ANKRD33B: variants seen among roughly 807,000 people sequenced by gnomAD.
The protein encoded by ANKRD33B is ankyrin repeat domain-containing protein 33B.
A neutral mutation model predicts 21.5 loss-of-function variants in ANKRD33B; 6 were observed. That is an observed-to-expected ratio of 0.28 (90% CI 0.15 to 0.55). The LOEUF is 0.55. ANKRD33B is among the 20% of genes least tolerant of loss of function. The pLI, the probability that ANKRD33B is intolerant of heterozygous loss-of-function variation, is 0.94. For missense variants in ANKRD33B, 698 were observed against 747.2 expected (o/e 0.93, Z 0.77); for synonymous variants, 347 against 342.4 (o/e 1.01, Z -0.15).
At chr5:10,641,467 G>T (rs893781621) in intron 3 of ANKRD33B, among the ~76,000 whole-genome samples, 2 of 151,882 alleles carry the variant, frequency 1.3e-5, no homozygotes, top group Non-Finnish European at 2.9e-5. Context: ...GACATCCCGT[G>T]ATCTGCCCGC....
At chr5:10,608,717 G>C (rs1736104444) in intron 1 of ANKRD33B, among the ~76,000 whole-genome samples, 1 of 152,054 alleles carries the variant, frequency 6.6e-6, no homozygotes, top group African/African-American at 2.4e-5. Context: ...TATCTTTAGG[G>C]TTTTTGAATG....
At chr5:10,585,326 C>T (rs1186750594) in intron 1 of ANKRD33B, among the ~76,000 whole-genome samples, 2 of 152,162 alleles carry the variant, frequency 1.3e-5, no homozygotes, top group African/African-American at 4.8e-5. Flanking sequence ...AAGTGTTTTC[C>T]TGGATGCCTA....
At chr5:10,633,119 T>C (rs1348669599) in intron 2 of ANKRD33B, among the ~76,000 whole-genome samples, 29 of 111,256 alleles carry the variant, frequency 2.6e-4, no homozygotes, top group Non-Finnish European at 4.9e-4. Context: ...TTTTTTCTTT[T>C]TGAGATGGGG....
chr5:10,611,631 C>T (rs1350821208), intron 1 of ANKRD33B, among the ~76,000 whole-genome samples: 1 of 152,204 alleles, frequency 6.6e-6, no homozygotes, highest in African/African-American at 2.4e-5. Context: ...AAGTCCTCTC[C>T]CCTTGCCACT....
chr5:10,564,677 G>A lies in ANKRD33B; in HGVS notation c.210G>A (p.Glu70=). The change falls in exon 1 of 4, where the codon GAG becomes GAA. Residue 70 remains glutamate, a synonymous_variant. Transcript: ENST00000296657. ...AGGACGAGGAGGAGCACGGCGTCGA[G>A]AGCGCGGAGAGCGTCCCGGAGGGCG... is the stretch of plus-strand genomic sequence containing the variant. ...PFEDEEEHGV[E]SAESVPEGVP... 1 of 1,534,616 alleles carries A rather than the reference G, an allele frequency of 6.5e-7. No homozygotes were observed. The highest frequency in any genetic ancestry group is 8.7e-7 in the Non-Finnish European group (1 of 1,146,388).
chr5:10,580,183 C>G (rs1454995090), intron 1 of ANKRD33B, among the ~76,000 whole-genome samples: 2 of 152,234 alleles, frequency 1.3e-5, no homozygotes, highest in African/African-American at 2.4e-5. Flanking sequence ...TGGGTTCTAC[C>G]TGCAAGGGTC....
intron 1 of ANKRD33B, among the ~76,000 whole-genome samples, chr5:10,572,644 GC>G (rs1233068027): frequency 2.0e-5 from 3 of 152,230 alleles, no homozygotes; most frequent in Admixed American, 1.3e-4. Flanking sequence ...GTGTCAGGCA[GC>G]CCCGTCTGGG....
rs1737414078 is a variant in ANKRD33B at position 10,653,734 on chromosome 5, A to G, written c.*3621A>G. 1 of 152,344 alleles carries G rather than the reference A, an allele frequency of 6.6e-6. No homozygotes were observed. The highest frequency in any genetic ancestry group is 2.4e-5 in the African/African-American group (1 of 41,412). The allele number at this position is 152,344 out of a possible 1,614,324, so 9.4% of individuals were successfully genotyped here. ...CAGGCTTCTTGTCCCATCCCCACTCAGTATCATCGGGTATCTGGTAGTCAG... is the reference window on the plus strand; with the variant it reads ...CAGGCTTCTTGTCCCATCCCCACTCGGTATCATCGGGTATCTGGTAGTCAG... On this transcript the variant is annotated 3_prime_UTR_variant, in exon 4 of 4. Coordinates refer to ENST00000296657, the MANE Select transcript of ANKRD33B (RefSeq NM_001164440.2).
At chr5:10,597,606 C>T (rs1409874387) in intron 1 of ANKRD33B, among the ~76,000 whole-genome samples, 3 of 152,124 alleles carry the variant, frequency 2.0e-5, no homozygotes, top group Admixed American at 6.5e-5. Flanking sequence ...GACTTTAACA[C>T]CCCACTGACA....
chr5:10,566,798 C>T lies in ANKRD33B; in HGVS notation c.366+1965C>T, dbSNP rs115867539. Among the ~76,000 whole-genome samples, 586 of 152,244 alleles carry T rather than the reference C, an allele frequency of 3.8e-3. 3 individuals carry two copies. Among genetic ancestry groups the T allele is most frequent in the Non-Finnish European group, 5.9e-3 (400 of 68,016 alleles). ...CAGCAGCTCTCTGCCTCAGTTTCCT[C>T]GTCTGTAAAATAGGGATAAGGGCAG... On this transcript the variant is annotated intron_variant, in intron 1 of 3. Transcript: ENST00000296657.
At chr5:10,639,205 GA>G (rs1736960236) in intron 3 of ANKRD33B, among the ~76,000 whole-genome samples, 1 of 39,678 alleles carries the variant, frequency 2.5e-5, no homozygotes, top group Non-Finnish European at 5.5e-5. Context: ...CGGTGACGTG[GA>G]GTTGCGCGGC....
intron 1 of ANKRD33B, among the ~76,000 whole-genome samples, chr5:10,582,760 A>G (rs1026872066): frequency 6.6e-6 from 1 of 152,060 alleles, no homozygotes; most frequent in East Asian, 1.9e-4. Context: ...TTCCCCTCCC[A>G]TGGACTTCCC....
intron 1 of ANKRD33B, among the ~76,000 whole-genome samples, chr5:10,610,351 C>G (rs1736142000): frequency 1.3e-5 from 2 of 152,076 alleles, no homozygotes; most frequent in South Asian, 4.1e-4. Flanking sequence ...GTAGGAGATG[C>G]TCCTGACGTC....
chr5:10,608,336 C>G (rs973930825), intron 1 of ANKRD33B, among the ~76,000 whole-genome samples: 5 of 144,890 alleles, frequency 3.5e-5, no homozygotes, highest in African/African-American at 1.3e-4. Context: ...CCAGCCTAGG[C>G]AACAGAGCGA....
At chr5:10,573,914 C>T (rs754056019) in intron 1 of ANKRD33B, among the ~76,000 whole-genome samples, 6 of 152,202 alleles carry the variant, frequency 3.9e-5, no homozygotes, top group Non-Finnish European at 7.3e-5. Context: ...GGACTCCTGA[C>T]ACCCTACTTT....
At position 10,616,996 on chromosome 5, in the gene ANKRD33B, A is replaced by G. The variant is rs572374178; in HGVS notation, c.367-1337A>G. ...GTTCTGGCCCGGGCCCTCTTCCAGGATGCAGACTGTAGACTTCTCTCTGTG... is the reference window on the plus strand; with the variant it reads ...GTTCTGGCCCGGGCCCTCTTCCAGGGTGCAGACTGTAGACTTCTCTCTGTG... On this transcript the variant is annotated intron_variant, in intron 1 of 3. Coordinates refer to ENST00000296657, the MANE Select transcript of ANKRD33B (RefSeq NM_001164440.2). 2.0e-5 allele frequency among the ~76,000 whole-genome samples: 3 copies of G among 152,318 alleles called. No homozygotes were observed. In the East Asian group the frequency reaches 5.8e-4, roughly 29 times the overall value.
At chr5:10,572,141 G>A (rs577755707) in intron 1 of ANKRD33B, among the ~76,000 whole-genome samples, 28 of 152,168 alleles carry the variant, frequency 1.8e-4, no homozygotes, top group Non-Finnish European at 3.5e-4. Flanking sequence ...TGCCCACCTC[G>A]GCCTCCCAAA....
rs374365829 is a variant in ANKRD33B, at chr5:10,643,819, CAAAA to C, written c.638-5428_638-5425del. 4.5e-3 allele frequency among the ~76,000 whole-genome samples: 399 copies of C among 89,574 alleles called. 1 individual carries two copies. Among genetic ancestry groups the C allele is most frequent in the African/African-American group, 0.016 (351 of 21,378 alleles). The allele number at this position is 89,574 out of a possible 152,430, so 58.8% of individuals were successfully genotyped here. A position where few individuals can be genotyped will look rare whatever the true frequency, so the allele number is the denominator to read the frequency against. Reference sequence around the variant, plus strand: ...TAGGCAACAGAGTGAGACTCTGTCTCAAAAAAAAAAAAAAAAAAAAAAGAGAAGT... The same window carrying C: ...TAGGCAACAGAGTGAGACTCTGTCTCAAAAAAAAAAAAAAAAAAGAGAAGT... On this transcript the variant is annotated intron_variant, in intron 3 of 3. Coordinates refer to ENST00000296657, the MANE Select transcript of ANKRD33B (RefSeq NM_001164440.2).
chr5:10,650,940 AC>A lies in ANKRD33B; in HGVS notation c.*828del, dbSNP rs1737343450. On this transcript the variant is annotated 3_prime_UTR_variant, in exon 4 of 4. Coordinates refer to ENST00000296657, the MANE Select transcript of ANKRD33B (RefSeq NM_001164440.2). Reference sequence around the variant, plus strand: ...CATTAAAAATAGATATGAGAAAAAAACTGTCATTCGATAAAATGAGGCAAAT... The same window carrying A: ...CATTAAAAATAGATATGAGAAAAAAATGTCATTCGATAAAATGAGGCAAAT... 2 of 152,390 alleles carry A rather than the reference AC, an allele frequency of 1.3e-5. No homozygotes were observed. The highest frequency in any genetic ancestry group is 2.9e-5 in the Non-Finnish European group (2 of 68,044). 9.4% of individuals were successfully genotyped at this position (152,390 alleles called of 1,614,324 possible).
Sources: allele counts gnomAD v4.1 joint callset (sites outside exome capture counted in the v4.1 genomes callset), GRCh38; gene constraint gnomAD v4.1.1; transcripts MANE v1.5; gene names NCBI Gene and HGNC (gene_info 2026-07-23, HGNC 2026-07-21).